Variants in AFF1 observed in about 807,000 individuals in gnomAD.
AFF1 encodes AF4/FMR2 family member 1.
Under a neutral mutation model 121.7 loss-of-function variants are expected in AFF1, and 48 were observed. The observed-to-expected ratio is 0.39, with a 90% confidence interval of 0.31 to 0.50. The LOEUF (loss-of-function observed/expected upper bound fraction) is 0.50. Among genes scored for constraint, AFF1 ranks in the 20% least tolerant of loss-of-function variants. AFF1 has a pLI of 0.76. For missense variants in AFF1, 1,523 were observed against 1,511.7 expected, an observed-to-expected ratio of 1.01 and a Z score of -0.12; for synonymous variants, 613 against 563.0, an observed-to-expected ratio of 1.09 and a Z score of -1.26.
chr4:87,108,875 A>ACT (rs1301326702), intron 11 of AFF1, among the ~76,000 whole-genome samples: 22 of 152,310 alleles, frequency 1.4e-4, no homozygotes, highest in African/African-American at 4.8e-4. Context: ...CCCATGTAAA[A>ACT]CAGGGACGAT....
rs752168608 is a variant in AFF1, at chr4:87,126,251, G to A, written c.2726G>A (p.Ser909Asn). 6.2e-7 allele frequency: 1 copy of A among 1,614,140 alleles called. No individual in the cohort carries two copies. The highest frequency in any genetic ancestry group is 1.1e-5 in the South Asian group (1 of 91,072). Residue 909 changes from serine (S) to asparagine (N), a missense_variant, in exon 14 of 21, where the codon AGT becomes AAT. Transcript: ENST00000395146. ...CAGGACCCTCCCAAAAGTGCCAGCAGTACCAAGAGCAACCACAAAGACTCT... is the reference window on the plus strand; with the variant it reads ...CAGGACCCTCCCAAAAGTGCCAGCAATACCAAGAGCAACCACAAAGACTCT... ...CGQDPPKSAS[S>N]TKSNHKDSSI...
At chr4:87,030,547 TTTAC>T (rs921565370) in intron 2 of AFF1, among the ~76,000 whole-genome samples, 115 of 152,296 alleles carry the variant, frequency 7.6e-4, no homozygotes, top group African/African-American at 2.7e-3. Flanking sequence ...CTTCTTTAAT[TTTAC>T]TTACAAGTCT....
At position 87,096,049 on chromosome 4, in the gene AFF1, C is replaced by T. The variant is rs760119353; in HGVS notation, c.1283+1080C>T. 6.0e-4 allele frequency among the ~76,000 whole-genome samples: 92 copies of T among 152,254 alleles called. 1 individual carries two copies. The highest frequency in any genetic ancestry group is 3.2e-4 in the Non-Finnish European group (22 of 68,026). ...AGCTGGAGAGGTTATTTTATCTCCT[C>T]GCCATGACTAAATGTGGGTCTGGGT... On this transcript the variant is annotated intron_variant, in intron 8 of 20. Transcript: ENST00000395146.
intron 1 of AFF1, among the ~76,000 whole-genome samples, chr4:86,938,163 A>G (rs1181032871): frequency 1.3e-5 from 2 of 152,134 alleles, no homozygotes; most frequent in African/African-American, 2.4e-5. Flanking sequence ...AAGGAACCTC[A>G]TTGGGGCCAG....
chr4:87,125,656 A>G (rs751177440), intron 13 of AFF1, among the ~76,000 whole-genome samples: 21 of 152,180 alleles, frequency 1.4e-4, no homozygotes, highest in South Asian at 6.2e-4. Flanking sequence ...CGTAAATATA[A>G]CAAGCAGCTA....
intron 2 of AFF1, among the ~76,000 whole-genome samples, chr4:87,016,009 C>A (rs1241157524): frequency 1.3e-5 from 2 of 152,170 alleles, no homozygotes; most frequent in Admixed American, 6.5e-5. Flanking sequence ...GGTGAAACCT[C>A]GTCTCTACTA....
chr4:86,991,686 A>G (rs1000480185), intron 2 of AFF1, among the ~76,000 whole-genome samples: 1 of 151,968 alleles, frequency 6.6e-6, no homozygotes. Context: ...TTTTTAAAGG[A>G]TGTGGGTGCA....
chr4:87,127,593 T>C, intron 15 of AFF1, 50 bp from the exon 16 acceptor site: 1 of 1,575,418 alleles, frequency 6.3e-7, no homozygotes. Flanking sequence ...TGCCCTAGTC[T>C]AGTAATTTTT....
In AFF1 at chr4:87,060,868, CACAAAAAAACAACA is replaced by C. The variant is rs1305141541; in HGVS notation, c.1059+13285_1059+13298del. 3.2e-4 allele frequency among the ~76,000 whole-genome samples: 8 copies of C among 25,040 alleles called. No homozygotes were observed. The East Asian group carries it at 4.3e-3, about 13-fold the overall frequency. The allele number at this position is 25,040 out of a possible 152,430, so 16.4% of individuals were successfully genotyped here. A position where few individuals can be genotyped will look rare whatever the true frequency, so the allele number is the denominator to read the frequency against. On this transcript the variant is annotated intron_variant, in intron 4 of 20. Transcript: ENST00000395146. ...AAAAAAAAAAAAAAAAAAAAAAAAA[CACAAAAAAACAACA>C]ACAAAAAAACGGAATTATTGACCCT...
rs1396124579 is a variant in AFF1 at position 87,137,847 on chromosome 4, C to T, written c.*2146C>T. ...CCTTTTGTCCTATCATTCCCTAGAA[C>T]AAGCCACCTGTCAATTGTGAAGGGT... On this transcript the variant is annotated 3_prime_UTR_variant, in exon 21 of 21. Transcript: ENST00000395146. 2 of 231,600 alleles carry T rather than the reference C, an allele frequency of 8.6e-6. No homozygotes were observed. The highest frequency in any genetic ancestry group is 5.6e-5 in the Admixed American group (1 of 17,742). The allele number at this position is 231,600 out of a possible 1,614,324, so 14.3% of individuals were successfully genotyped here.
intron 2 of AFF1, among the ~76,000 whole-genome samples, chr4:86,992,463 A>C (rs911810238): frequency 6.6e-6 from 1 of 152,200 alleles, no homozygotes; most frequent in African/African-American, 2.4e-5. Context: ...AACCACGTGT[A>C]CTGAGGGAAC....
At chr4:87,110,141 A>AT (rs1726315913) in intron 11 of AFF1, among the ~76,000 whole-genome samples, 1 of 151,842 alleles carries the variant, frequency 6.6e-6, no homozygotes, top group African/African-American at 2.4e-5. Flanking sequence ...AAATTATGGA[A>AT]TTTTCACTCT....
chr4:86,983,720 CAAAAAAA>C (rs113012679), intron 2 of AFF1, among the ~76,000 whole-genome samples: 75 of 118,322 alleles, frequency 6.3e-4, no homozygotes, highest in Admixed American at 3.2e-3. Context: ...AATGAAAAAC[CAAAAAAA>C]AAAACAAAAA....
intron 4 of AFF1, among the ~76,000 whole-genome samples, chr4:87,064,904 T>C (rs1440919909): frequency 1.3e-5 from 2 of 148,422 alleles, no homozygotes; most frequent in Non-Finnish European, 3.0e-5. Flanking sequence ...CCGGGTGTTG[T>C]GGCATGCACC....
intron 2 of AFF1, among the ~76,000 whole-genome samples, chr4:87,017,756 C>T (rs1706607125): frequency 6.6e-6 from 1 of 152,146 alleles, no homozygotes; most frequent in Admixed American, 6.5e-5. Context: ...ATCGTTCAGA[C>T]TTGGGTCCTG....
Position 87,048,080 on chromosome 4 carries a change from G to C in AFF1, c.1059+486G>C, listed in dbSNP as rs767668063. The C allele has an allele frequency of 1.9e-4, 30 of 159,530 alleles. No individual in the cohort carries two copies. In the Middle Eastern group the frequency reaches 0.01, roughly 54 times the overall value. The allele number at this position is 159,530 out of a possible 1,614,324, so 9.9% of individuals were successfully genotyped here. ...GTTAATTTTTCCTGGGCTCTAAACCGTAAAAAAGTAAAAACAAGATGACAG... is the reference window on the plus strand; with the variant it reads ...GTTAATTTTTCCTGGGCTCTAAACCCTAAAAAAGTAAAAACAAGATGACAG... On this transcript the variant is annotated intron_variant, in intron 4 of 20. Coordinates refer to ENST00000395146, the MANE Select transcript of AFF1 (RefSeq NM_001166693.3).
intron 4 of AFF1, among the ~76,000 whole-genome samples, chr4:87,077,187 T>C (rs1722751756): frequency 1.3e-5 from 2 of 152,340 alleles, no homozygotes; most frequent in Non-Finnish European, 2.9e-5. Flanking sequence ...TAGTCTAGTT[T>C]GGAAAGTTCG....
chr4:87,091,975 A>T, intron 7 of AFF1, 146 bp downstream of exon 7: 1 of 665,404 alleles, frequency 1.5e-6, no homozygotes, highest in South Asian at 1.8e-5. Context: ...ATATAAAACT[A>T]TTCTTTATGT....
chr4:87,018,941 G>GT (rs1727618814), intron 2 of AFF1, among the ~76,000 whole-genome samples: 1 of 152,222 alleles, frequency 6.6e-6, no homozygotes, highest in East Asian at 1.9e-4. Context: ...GTGAGGTACA[G>GT]TTATAAGGAA....
Sources: allele counts gnomAD v4.1 joint callset (sites outside exome capture counted in the v4.1 genomes callset), GRCh38; gene constraint gnomAD v4.1.1; transcripts MANE v1.5; gene names NCBI Gene and HGNC (gene_info 2026-07-23, HGNC 2026-07-21).